Variants in DNAH6 observed in about 807,000 individuals in gnomAD.
DNAH6 encodes the protein dynein axonemal heavy chain 6, also known as axonemal beta dynein heavy chain 6.
Under a neutral mutation model 491.4 loss-of-function variants are expected in DNAH6, and 340 were observed. The ratio of observed to expected loss-of-function variants is 0.69; its 90% CI spans 0.63 to 0.76. DNAH6 has a LOEUF of 0.76. DNAH6 is among the 30% of genes least tolerant of loss of function. The pLI, the probability that DNAH6 is intolerant of heterozygous loss-of-function variation, is 0.00. For missense variants in DNAH6, 4,443 were observed against 4,972.2 expected (o/e 0.89, Z 3.20); for synonymous variants, 1,603 against 1,686.1 (o/e 0.95, Z 1.21).
chr2:84,795,508 A>C (rs1324377230), intron 68 of DNAH6, among the ~76,000 whole-genome samples: 7 of 152,094 alleles, frequency 4.6e-5, no homozygotes, highest in Admixed American at 4.6e-4. Context: ...AAGAAAAAAC[A>C]ATTTTTTCTT....
the DNAH6 span, among the ~76,000 whole-genome samples, chr2:84,498,941 CTTATAT>C: frequency 6.6e-6 from 1 of 152,054 alleles, no homozygotes; most frequent in Non-Finnish European, 1.5e-5. Flanking sequence ...ATTGTAGGTA[CTTATAT>C]TTATGGGGTA....
At chr2:84,812,976 A>G in intron 73 of DNAH6, 82 bp from the exon 74 acceptor site, 1 of 1,200,270 alleles carries the variant, frequency 8.3e-7, no homozygotes, top group Non-Finnish European at 1.2e-6. Context: ...CTCCTGAGAA[A>G]CTCTCCCCAA....
chr2:84,727,559 TCTC>T (rs1442131631), intron 60 of DNAH6, 107 bp from the exon 61 acceptor site: 1 of 666,714 alleles, frequency 1.5e-6, no homozygotes, highest in African/African-American at 1.8e-5. Flanking sequence ...ACTGTATTCA[TCTC>T]CCATGCTGCC....
At chr2:84,524,113 G>A (rs549948817) in intron 2 of DNAH6, among the ~76,000 whole-genome samples, 5 of 151,842 alleles carry the variant, frequency 3.3e-5, no homozygotes, top group African/African-American at 7.2e-5. Flanking sequence ...AACTTGCTTT[G>A]TGAATCTGGG....
chr2:84,629,928 A>C (rs889492937), intron 29 of DNAH6, among the ~76,000 whole-genome samples: 2 of 152,190 alleles, frequency 1.3e-5, no homozygotes, highest in Non-Finnish European at 2.9e-5. Context: ...TGCAAGAATG[A>C]TAATAATAAC....
At chr2:84,704,788 T>C (rs1489693366) in intron 51 of DNAH6, among the ~76,000 whole-genome samples, 5 of 152,222 alleles carry the variant, frequency 3.3e-5, no homozygotes, top group Non-Finnish European at 7.3e-5. Flanking sequence ...ATCTTGGAGA[T>C]ATGTAGTTTT....
In DNAH6 at chr2:84,653,405, A is replaced by G; in HGVS notation, c.5165A>G (p.Asn1722Ser). Reference protein sequence around the residue: ...ILQSTIVDVMNRQNLQPEMCM... With the variant: ...ILQSTIVDVMSRQNLQPEMCM... Reference sequence around the variant, plus strand: ...CAATCAACAATTGTGGATGTCATGAATAGACAAAATCTTCAGCCTGAGATG... The same window carrying G: ...CAATCAACAATTGTGGATGTCATGAGTAGACAAAATCTTCAGCCTGAGATG... The change falls in exon 34 of 77, where the codon AAT (asparagine) becomes AGT (serine). Residue 1722 changes from asparagine to serine, a missense_variant. Asn to Ser is a conservative substitution (Grantham distance 46). This residue lies in a region of DNAH6 where 2,977 missense variants were observed against 3,296.6 expected (regional missense o/e 0.90). Transcript: ENST00000389394. The G allele has an allele frequency of 6.4e-7, 1 of 1,551,112 alleles. No homozygotes were observed. The highest frequency in any genetic ancestry group is 1.2e-5 in the South Asian group (1 of 84,028).
intron 31 of DNAH6, among the ~76,000 whole-genome samples, chr2:84,638,770 G>A (rs1689108378): frequency 6.6e-6 from 1 of 152,152 alleles, no homozygotes; most frequent in Non-Finnish European, 1.5e-5. Context: ...TCATGGTTCT[G>A]CAGGCTGTAC....
intron 29 of DNAH6, among the ~76,000 whole-genome samples, chr2:84,630,414 A>G (rs1305967854): frequency 1.3e-5 from 2 of 152,162 alleles, no homozygotes; most frequent in African/African-American, 4.8e-5. Context: ...CAACCTAATG[A>G]ATCTAATGGA....
At chr2:84,757,091 G>A (rs550737055) in intron 63 of DNAH6, among the ~76,000 whole-genome samples, 1 of 152,302 alleles carries the variant, frequency 6.6e-6, no homozygotes, top group African/African-American at 2.4e-5. Context: ...AGGCCTTATA[G>A]ATTATAAGAA....
At chr2:84,551,580 C>T (rs1209473911) in intron 9 of DNAH6, among the ~76,000 whole-genome samples, 2 of 152,140 alleles carry the variant, frequency 1.3e-5, no homozygotes, top group Non-Finnish European at 2.9e-5. Flanking sequence ...TCAAATAATA[C>T]TGCAAAGGGT....
intron 29 of DNAH6, among the ~76,000 whole-genome samples, chr2:84,632,774 C>CT (rs1436126932): frequency 6.6e-6 from 1 of 152,100 alleles, no homozygotes; most frequent in Non-Finnish European, 1.5e-5. Flanking sequence ...TGACTAATCC[C>CT]TTTTTTTAGA....
intron 70 of DNAH6, among the ~76,000 whole-genome samples, chr2:84,798,909 G>A (rs1328322780): frequency 1.3e-5 from 2 of 152,084 alleles, no homozygotes; most frequent in African/African-American, 4.8e-5. Context: ...GCCTGAGCTC[G>A]AGTAGGGGAA....
intron 37 of DNAH6, among the ~76,000 whole-genome samples, chr2:84,668,195 A>C (rs1358914187): frequency 6.6e-6 from 1 of 152,232 alleles, no homozygotes; most frequent in Non-Finnish European, 1.5e-5. Flanking sequence ...CATACGTAAT[A>C]AACTTGCACG....
rs1016338689 is a variant in DNAH6, at chr2:84,738,680, C to T, written c.10342+5101C>T. 2.6e-5 allele frequency among the ~76,000 whole-genome samples: 4 copies of T among 151,868 alleles called. 1 individual carries two copies. Among genetic ancestry groups the T allele is most frequent in the South Asian group, 4.2e-4 (2 of 4,818 alleles). On this transcript the variant is annotated intron_variant, in intron 62 of 76. Coordinates refer to ENST00000389394, the MANE Select transcript of DNAH6 (RefSeq NM_001370.2). ...CCTTGCTTTTTTTTGTTTTCCGTTG[C>T]GTGACATATCTTTCTCCATCCCTTT...
chr2:84,635,952 C>T (rs1688842933), intron 30 of DNAH6, among the ~76,000 whole-genome samples: 1 of 152,128 alleles, frequency 6.6e-6, no homozygotes, highest in Non-Finnish European at 1.5e-5. Flanking sequence ...AAACCTGGAA[C>T]TCACCTTGGA....
In DNAH6 at chr2:84,584,050, A is replaced by G; in HGVS notation, c.2281A>G (p.Met761Val). ...TATAGTGACTCAAATGTACAAGCTT[A>G]TGGAACAATATCAGGTGCCCACACC... ...GNIVTQMYKLMEQYQVPTPPE... is the reference protein window; with the variant it reads ...GNIVTQMYKLVEQYQVPTPPE... The change falls in exon 15 of 77, where the codon ATG becomes GTG. Residue 761 changes from methionine (M) to valine (V), a missense_variant. Physicochemically the swap from Met to Val is conservative, Grantham distance 21. Around this residue, in one of 3 missense-constraint regions of DNAH6, gnomAD observed 2,977 missense variants for 3,296.6 expected, o/e 0.90. Coordinates refer to ENST00000389394, the MANE Select transcript of DNAH6 (RefSeq NM_001370.2). 6.2e-7 allele frequency: 1 copy of G among 1,614,164 alleles called. No homozygotes were observed. Among genetic ancestry groups the G allele is most frequent in the Non-Finnish European group, 8.5e-7 (1 of 1,180,004 alleles).
chr2:84,514,144 C>T (rs541775209), upstream of DNAH6, among the ~76,000 whole-genome samples: 2 of 152,278 alleles, frequency 1.3e-5, no homozygotes, highest in Admixed American at 1.3e-4. Context: ...TTATTTATTG[C>T]TCTGGTTTCA....
At chr2:84,568,522 A>C (rs1373075204) in intron 11 of DNAH6, among the ~76,000 whole-genome samples, 1 of 152,180 alleles carries the variant, frequency 6.6e-6, no homozygotes, top group African/African-American at 2.4e-5. Flanking sequence ...ATGAGAACAC[A>C]TGGACACAGG....
Sources: allele counts gnomAD v4.1 joint callset (sites outside exome capture counted in the v4.1 genomes callset), GRCh38; gene constraint gnomAD v4.1.1; regional missense constraint gnomAD v4.1.1; transcripts MANE v1.5; gene names NCBI Gene and HGNC (gene_info 2026-07-23, HGNC 2026-07-21).